GPATCH8: variants seen among roughly 807,000 people sequenced by gnomAD.
The protein encoded by GPATCH8 is G-patch domain containing 8.
A neutral mutation model predicts 118.3 loss-of-function variants in GPATCH8; 18 were observed. The observed-to-expected ratio is 0.15, with a 90% CI of 0.11 to 0.23. The LOEUF is 0.23. Ranked by LOEUF, GPATCH8 falls within the 10% of genes least tolerant of loss-of-function variation. GPATCH8 has a pLI of 1.00. For missense variants in GPATCH8, 1,631 were observed against 1,873.8 expected (o/e 0.87, Z 2.39); for synonymous variants, 659 against 684.7 (o/e 0.96, Z 0.59).
chr17:44,493,426 T>A (rs1969433158), intron 1 of GPATCH8, among the ~76,000 whole-genome samples: 1 of 152,178 alleles, frequency 6.6e-6, no homozygotes, highest in Non-Finnish European at 1.5e-5. Flanking sequence ...GCATACCAAC[T>A]ATTTTCTACC....
intron 1 of GPATCH8, among the ~76,000 whole-genome samples, chr17:44,487,215 G>T (rs1968855296): frequency 6.6e-6 from 1 of 152,012 alleles, no homozygotes; most frequent in African/African-American, 2.4e-5. Flanking sequence ...TGTTTCTACG[G>T]TTTTGCCTTT....
Position 44,398,282 on chromosome 17 carries a change from C to T in GPATCH8, c.3795G>A (p.Val1265=), listed in dbSNP as rs1209705725. The stretch of plus-strand genomic sequence containing the variant: ...GTGCTATAGGCAGCAAGCTGGACTC[C>T]ACAGGGCCTGGCTGACTGCTGCTAT... The part of the protein sequence containing the change: ...SLDSSSQPGP[V]ESSLLPIAPD... The change falls in exon 8 of 8, where the codon GTG becomes GTA. Residue 1265 remains valine (V), a synonymous_variant. Transcript: ENST00000591680. 4 of 1,613,650 alleles carry T rather than the reference C, an allele frequency of 2.5e-6. No homozygotes were observed. The highest frequency in any genetic ancestry group is 3.4e-6 in the Non-Finnish European group (4 of 1,179,836).
intron 1 of GPATCH8, among the ~76,000 whole-genome samples, chr17:44,502,295 C>T (rs1479274551): frequency 6.6e-6 from 1 of 151,714 alleles, no homozygotes; most frequent in Non-Finnish European, 1.5e-5. Flanking sequence ...GGGATAAAAA[C>T]TTGAGTTCTG....
chr17:44,425,822 C>T (rs1479972897), intron 5 of GPATCH8, among the ~76,000 whole-genome samples: 1 of 152,138 alleles, frequency 6.6e-6, no homozygotes, highest in Non-Finnish European at 1.5e-5. Context: ...AGCCCCCACA[C>T]CTGGCTGCAA....
rs372894786 is a variant in GPATCH8 at position 44,481,759 on chromosome 17, CTTAAA to C, written c.46-6861_46-6857del. Among the ~76,000 whole-genome samples, 95 of 152,180 alleles carry C rather than the reference CTTAAA, an allele frequency of 6.2e-4. No individual in the cohort carries two copies. In the East Asian group the frequency reaches 0.013, roughly 20 times the overall value. The stretch of plus-strand genomic sequence containing the variant: ...CTCTAAAAAATGTATTTTTTGAATA[CTTAAA>C]TTAAAATCCTGTTCCATAGGCAGAT... On this transcript the variant is annotated intron_variant, in intron 1 of 7. Transcript: ENST00000591680.
intron 3 of GPATCH8, among the ~76,000 whole-genome samples, chr17:44,440,843 T>C (rs775346678): frequency 1.3e-5 from 2 of 151,384 alleles, no homozygotes; most frequent in Non-Finnish European, 2.9e-5. Flanking sequence ...TCTTTTGTTG[T>C]TTTTTGGGAA....
intron 1 of GPATCH8, among the ~76,000 whole-genome samples, chr17:44,493,902 C>T (rs902518576): frequency 1.3e-5 from 2 of 152,106 alleles, no homozygotes; most frequent in Non-Finnish European, 1.5e-5. Context: ...ATATAAGAGG[C>T]ATTTATTAAA....
At chr17:44,419,802 AG>A (rs1358107263) in intron 6 of GPATCH8, among the ~76,000 whole-genome samples, 1 of 152,164 alleles carries the variant, frequency 6.6e-6, no homozygotes, top group African/African-American at 2.4e-5. Context: ...CTGGGATTAT[AG>A]GCATGAGCCA....
At chr17:44,406,249 A>G (rs1320652662) in intron 6 of GPATCH8, among the ~76,000 whole-genome samples, 198 bp from the exon 7 acceptor site, 1 of 152,180 alleles carries the variant, frequency 6.6e-6, no homozygotes, top group Non-Finnish European at 1.5e-5. Flanking sequence ...CTGCATTTCT[A>G]ATTAGGACAG....
chr17:44,481,239 T>C (rs915174648), intron 1 of GPATCH8, among the ~76,000 whole-genome samples: 4 of 152,180 alleles, frequency 2.6e-5, no homozygotes, highest in African/African-American at 7.2e-5. Flanking sequence ...AGATTACTGA[T>C]GGGAACATAA....
Position 44,400,612 on chromosome 17 carries a change from C to A in GPATCH8, c.1465G>T (p.Asp489Tyr). Residue 489 changes from aspartate (D) to tyrosine (Y), a missense_variant, in exon 8 of 8, where the codon GAT becomes TAT. Physicochemically the swap from Asp to Tyr is radical, Grantham distance 160. Transcript: ENST00000591680. ...CTTTCTAAACTCTGATCACTTACAT[C>A]CCCTCCTAAGGCCTTCTTTGCCTCA... The part of the protein sequence containing the change: ...KAEAKKALGG[D>Y]VSDQSLESHS... The A allele has an allele frequency of 1.2e-6, 2 of 1,614,096 alleles. No individual in the cohort carries two copies. Among genetic ancestry groups the A allele is most frequent in the Admixed American group, 3.3e-5 (2 of 60,020 alleles).
intron 2 of GPATCH8, 61 bp downstream of exon 2, chr17:44,474,768 G>T: frequency 1.2e-6 from 1 of 834,568 alleles, no homozygotes; most frequent in Non-Finnish European, 2.1e-6. Flanking sequence ...CACATCAAGT[G>T]TCACACGAAC....
chr17:44,414,178 T>G (rs2049589725), intron 6 of GPATCH8, among the ~76,000 whole-genome samples: 1 of 149,134 alleles, frequency 6.7e-6, no homozygotes, highest in Non-Finnish European at 1.5e-5. Flanking sequence ...TATATGAACA[T>G]ATACATACAC....
intron 2 of GPATCH8, among the ~76,000 whole-genome samples, chr17:44,469,821 G>C (rs1158565934): frequency 3.3e-5 from 5 of 152,206 alleles, no homozygotes; most frequent in Non-Finnish European, 5.9e-5. Flanking sequence ...GCTCCAAGAA[G>C]CACATTATTT....
intron 5 of GPATCH8, among the ~76,000 whole-genome samples, chr17:44,427,568 G>C (rs1335521589): frequency 6.6e-6 from 1 of 151,970 alleles, no homozygotes; most frequent in Non-Finnish European, 1.5e-5. Context: ...AAATAGAAAT[G>C]ATACAAATAA....
At chr17:44,431,351 G>C (rs2050305486) in intron 5 of GPATCH8, among the ~76,000 whole-genome samples, 1 of 142,230 alleles carries the variant, frequency 7.0e-6, no homozygotes, top group African/African-American at 2.6e-5. Flanking sequence ...TCCAGCCTGG[G>C]TGACAGAACA....
chr17:44,431,018 T>C (rs1238686553), intron 5 of GPATCH8, among the ~76,000 whole-genome samples: 2 of 151,996 alleles, frequency 1.3e-5, no homozygotes, highest in Non-Finnish European at 2.9e-5. Context: ...TGCTATAAAA[T>C]GACTAAAATG....
intron 2 of GPATCH8, among the ~76,000 whole-genome samples, chr17:44,469,728 G>C (rs556893791): frequency 6.6e-6 from 1 of 151,980 alleles, no homozygotes; most frequent in Non-Finnish European, 1.5e-5. Flanking sequence ...AAAAATTCCC[G>C]AAACAAAAAA....
intron 6 of GPATCH8, among the ~76,000 whole-genome samples, chr17:44,420,496 C>G (rs1429437292): frequency 6.6e-6 from 1 of 152,274 alleles, no homozygotes; most frequent in East Asian, 1.9e-4. Flanking sequence ...TGGCCTCAAC[C>G]TACTAGATGC....
Sources: gnomAD v4.1 joint callset for allele counts (sites outside exome capture counted in the v4.1 genomes callset) on GRCh38, gnomAD v4.1.1 for gene constraint, MANE v1.5 for transcripts, NCBI Gene and HGNC (gene_info 2026-07-23, HGNC 2026-07-21) for gene names.